The following CSMD1 variants were observed in gnomAD, a reference collection of about 807,000 sequenced individuals.
CSMD1 encodes CUB and sushi domain-containing protein 1.
In CSMD1, 213 loss-of-function variants were observed where a neutral mutation model predicts 417.5. The observed-to-expected ratio is 0.51, with a 90% CI of 0.46 to 0.57. The LOEUF (loss-of-function observed/expected upper bound fraction) is 0.57, where lower values mean the gene tolerates loss of function less well. Among genes scored for constraint, CSMD1 ranks in the 20% least tolerant of loss-of-function variants. The probability of loss-of-function intolerance (pLI) is 0.00; values close to 1 mark genes in which losing one functional copy is unlikely to be tolerated. For synonymous variants in CSMD1, 2,862 were observed against 1,736.8 expected, an observed-to-expected ratio of 1.65 and a Z score of -16.11; for missense variants, 6,923 against 4,529.7, an observed-to-expected ratio of 1.53 and a Z score of -15.17.
At chr8:2,947,429 T>C (rs958484809) in intron 68 of CSMD1, among the ~76,000 whole-genome samples, 2 of 152,202 alleles carry the variant, frequency 1.3e-5, no homozygotes, top group African/African-American at 4.8e-5. Context: ...TTCTAATTAG[T>C]TGAAGGGGGG....
At chr8:4,786,713 T>C (rs2117213263) in intron 1 of CSMD1, among the ~76,000 whole-genome samples, 1 of 152,184 alleles carries the variant, frequency 6.6e-6, no homozygotes. Flanking sequence ...GCAAGAACAA[T>C]TTGTGAAAGT....
chr8:3,717,342 CATCT>C (rs1271144906), intron 6 of CSMD1, among the ~76,000 whole-genome samples: 2 of 152,118 alleles, frequency 1.3e-5, no homozygotes, highest in Non-Finnish European at 2.9e-5. Flanking sequence ...TATGATTAAA[CATCT>C]ATTAATATTA....
chr8:3,904,644 T>C (rs965906617), intron 5 of CSMD1, among the ~76,000 whole-genome samples: 4 of 150,710 alleles, frequency 2.7e-5, no homozygotes, highest in Non-Finnish European at 5.9e-5. Context: ...TCTTTCTTTT[T>C]TTTTTTTTTT....
intron 5 of CSMD1, among the ~76,000 whole-genome samples, chr8:3,795,080 C>CTATAGATATATATCATGTAT (rs1799973175): frequency 1.1e-5 from 1 of 91,738 alleles, no homozygotes; most frequent in African/African-American, 4.0e-5. Flanking sequence ...CTATCATGTA[C>CTATAGATATATATCATGTAT]AGCTATAGAT....
intron 3 of CSMD1, among the ~76,000 whole-genome samples, chr8:4,365,163 G>C (rs1484822496): frequency 6.6e-6 from 1 of 152,072 alleles, no homozygotes; most frequent in South Asian, 2.1e-4. Context: ...TTTTTATTTT[G>C]AATTTGGTAG....
chr8:4,247,935 C>G (rs1409763824), intron 3 of CSMD1, among the ~76,000 whole-genome samples: 4 of 152,090 alleles, frequency 2.6e-5, no homozygotes, highest in Non-Finnish European at 5.9e-5. Context: ...GTACATTAAT[C>G]AAATATTCAT....
chr8:3,938,449 G>C (rs1183825528), intron 5 of CSMD1, among the ~76,000 whole-genome samples: 1 of 152,178 alleles, frequency 6.6e-6, no homozygotes, highest in Non-Finnish European at 1.5e-5. Context: ...TCTTTGTGCA[G>C]TGGATCTGTG....
intron 1 of CSMD1, among the ~76,000 whole-genome samples, chr8:4,832,686 T>G (rs1336351272): frequency 8.5e-5 from 13 of 152,176 alleles, no homozygotes; most frequent in Non-Finnish European, 4.4e-5. Context: ...AAGAAAACTC[T>G]CAGGTAAATG....
chr8:4,619,437 C>A (rs896842653), intron 2 of CSMD1, among the ~76,000 whole-genome samples: 1 of 152,108 alleles, frequency 6.6e-6, no homozygotes. Flanking sequence ...TAGCGGTCGT[C>A]GTTGTGACAG....
intron 1 of CSMD1, among the ~76,000 whole-genome samples, chr8:4,905,739 GA>G (rs1256136640): frequency 7.0e-6 from 1 of 143,638 alleles, no homozygotes; most frequent in Non-Finnish European, 1.5e-5. Flanking sequence ...AGAATGGCGT[GA>G]AACCGGGAGG....
intron 3 of CSMD1, among the ~76,000 whole-genome samples, chr8:4,288,788 G>A (rs80147281): frequency 0.011 from 1,698 of 152,264 alleles, 26 homozygotes; most frequent in African/African-American, 0.038. Context: ...TCAGGTCTAC[G>A]TAGCAGCCAA....
chr8:3,720,401 C>T (rs1322561842), intron 6 of CSMD1, among the ~76,000 whole-genome samples: 1 of 152,174 alleles, frequency 6.6e-6, no homozygotes, highest in Non-Finnish European at 1.5e-5. Context: ...AAAAGCTGTC[C>T]AGGCACAACA....
rs532862680 is a variant in CSMD1, at chr8:4,062,775, T to C, written c.416-30676A>G. On this transcript the variant is annotated intron_variant, in intron 3 of 69. Transcript: ENST00000635120. ...CAGGTTCTGCATGCTCAGTAAAATC[T>C]GATTGTTCAAACCCAGTATCTGTCA... is the stretch of plus-strand genomic sequence containing the variant. Among the ~76,000 whole-genome samples, 763 of 152,090 alleles carry C rather than the reference T, an allele frequency of 5.0e-3. 5 individuals carry two copies. The highest frequency in any genetic ancestry group is 8.8e-3 in the Non-Finnish European group (597 of 67,994).
At chr8:2,975,879 C>G (rs1260702835) in intron 55 of CSMD1, among the ~76,000 whole-genome samples, 2 of 152,078 alleles carry the variant, frequency 1.3e-5, no homozygotes, top group African/African-American at 2.4e-5. Context: ...CCAGCTAAAC[C>G]CCAGCTCCTG....
At chr8:4,031,803 A>C in intron 4 of CSMD1, 102 bp downstream of exon 4, 1 of 856,686 alleles carries the variant, frequency 1.2e-6, no homozygotes. Flanking sequence ...GAGTCAGCTC[A>C]ACATGTATTA....
At chr8:3,556,081 C>T (rs988259816) in intron 10 of CSMD1, among the ~76,000 whole-genome samples, 2 of 152,012 alleles carry the variant, frequency 1.3e-5, no homozygotes, top group African/African-American at 4.8e-5. Flanking sequence ...ATGTATTATT[C>T]CATATTCCAC....
intron 7 of CSMD1, among the ~76,000 whole-genome samples, chr8:3,663,759 G>A (rs939801067): frequency 2.0e-5 from 3 of 152,070 alleles, no homozygotes; most frequent in Admixed American, 6.6e-5. Flanking sequence ...CCGAACCAAC[G>A]TTCACCTCAC....
At chr8:3,538,665 CT>C (rs1798309166) in intron 10 of CSMD1, among the ~76,000 whole-genome samples, 1 of 152,254 alleles carries the variant, frequency 6.6e-6, no homozygotes, top group African/African-American at 2.4e-5. Flanking sequence ...CCAGACTGGC[CT>C]TTTCTTCCTT....
At chr8:3,413,082 T>A (rs1392257551) in intron 12 of CSMD1, among the ~76,000 whole-genome samples, 1 of 152,148 alleles carries the variant, frequency 6.6e-6, no homozygotes, top group Non-Finnish European at 1.5e-5. Context: ...AGCTTCCTAC[T>A]TCCTACCTCA....
Sources: gnomAD v4.1 joint callset for allele counts (sites outside exome capture counted in the v4.1 genomes callset) on GRCh38, gnomAD v4.1.1 for gene constraint, MANE v1.5 for transcripts, NCBI Gene and HGNC (gene_info 2026-07-23, HGNC 2026-07-21) for gene names.